The following TENM3 variants were observed in gnomAD, a reference collection of about 807,000 sequenced individuals.
TENM3 encodes teneurin-3.
A neutral mutation model predicts 255.1 loss-of-function variants in TENM3; 63 were observed. That is an observed-to-expected ratio of 0.25 (90% confidence interval 0.20 to 0.30). The LOEUF (loss-of-function observed/expected upper bound fraction) is 0.30, where lower values mean the gene tolerates loss of function less well. TENM3 is among the 10% of genes least tolerant of loss of function. TENM3 has a pLI of 1.00. For missense variants in TENM3, 2,929 were observed against 3,461.1 expected (o/e 0.85, Z 3.86); for synonymous variants, 1,306 against 1,322.3 (o/e 0.99, Z 0.27).
chr4:182,594,897 C>T (rs1022134915), intron 3 of TENM3, among the ~76,000 whole-genome samples: 6 of 151,678 alleles, frequency 4.0e-5, no homozygotes, highest in African/African-American at 1.2e-4. Context: ...TTTTTGTATT[C>T]AGTAGAGGTG....
At chr4:182,331,901 G>T (rs1258770670) in intron 2 of TENM3, among the ~76,000 whole-genome samples, 1 of 152,180 alleles carries the variant, frequency 6.6e-6, no homozygotes, top group Non-Finnish European at 1.5e-5. Context: ...AAACACGTTA[G>T]TAGTGAGATA....
the TENM3 span, among the ~76,000 whole-genome samples, chr4:181,498,418 A>T: frequency 6.6e-6 from 1 of 152,102 alleles, no homozygotes; most frequent in South Asian, 2.1e-4. Context: ...TCAGTTCTAA[A>T]CATCCTGTCT....
the TENM3 span, among the ~76,000 whole-genome samples, chr4:181,983,546 A>C: frequency 0.74 from 112,768 of 151,964 alleles, 42,043 homozygotes; most frequent in Non-Finnish European, 0.76. Context: ...TGCTTAGAAA[A>C]CCTAGGCTTG....
chr4:182,517,379 C>CTTTTT (rs780908155), intron 3 of TENM3, among the ~76,000 whole-genome samples: 12 of 89,408 alleles, frequency 1.3e-4, no homozygotes, highest in African/African-American at 4.4e-4. Flanking sequence ...AAAGTTCATT[C>CTTTTT]TTTTTTTTTT....
chr4:182,066,780 A>G, the TENM3 span, among the ~76,000 whole-genome samples: 7,912 of 151,812 alleles, frequency 0.052, 336 homozygotes, highest in African/African-American at 0.12. Flanking sequence ...GCGTGGTGGC[A>G]GGCGCCTGTA....
the TENM3 span, among the ~76,000 whole-genome samples, chr4:181,885,195 A>T: frequency 6.6e-6 from 1 of 152,142 alleles, no homozygotes; most frequent in African/African-American, 2.4e-5. Flanking sequence ...AATCATTGAA[A>T]TTTTCTCGCT....
chr4:182,640,024 A>G (rs1180565298), intron 5 of TENM3, among the ~76,000 whole-genome samples: 1 of 152,206 alleles, frequency 6.6e-6, no homozygotes, highest in Non-Finnish European at 1.5e-5. Context: ...CAGGAGGCGG[A>G]GGTTGCGGTG....
chr4:182,113,212 C>G, the TENM3 span, among the ~76,000 whole-genome samples: 1 of 152,208 alleles, frequency 6.6e-6, no homozygotes, highest in Admixed American at 6.5e-5. Flanking sequence ...CTGGAAAAAT[C>G]ATTTCCGTTT....
chr4:181,548,821 T>G, the TENM3 span, among the ~76,000 whole-genome samples: 1 of 152,216 alleles, frequency 6.6e-6, no homozygotes, highest in Non-Finnish European at 1.5e-5. Flanking sequence ...TGACAAGCTC[T>G]TGCTCCAGGG....
At chr4:182,439,672 C>T (rs1312322748) in intron 3 of TENM3, among the ~76,000 whole-genome samples, 1 of 152,198 alleles carries the variant, frequency 6.6e-6, no homozygotes, top group African/African-American at 2.4e-5. Flanking sequence ...ATACCCATTA[C>T]CTCTGACATT....
chr4:182,043,671 T>C, the TENM3 span, among the ~76,000 whole-genome samples: 1 of 152,160 alleles, frequency 6.6e-6, no homozygotes, highest in Non-Finnish European at 1.5e-5. Flanking sequence ...TCCGGGGAAT[T>C]GGGTGCACAG....
intron 6 of TENM3, among the ~76,000 whole-genome samples, chr4:182,654,180 G>A (rs1156764585): frequency 6.6e-6 from 1 of 152,092 alleles, no homozygotes; most frequent in Non-Finnish European, 1.5e-5. Flanking sequence ...TCTGCAAATA[G>A]ATTATAATTC....
the TENM3 span, among the ~76,000 whole-genome samples, chr4:181,813,457 G>A: frequency 2.6e-5 from 4 of 152,294 alleles, no homozygotes; most frequent in Non-Finnish European, 2.9e-5. Flanking sequence ...ATCTCCAATA[G>A]GTTGTTTGAG....
At chr4:182,478,916 A>G (rs1250420651) in intron 3 of TENM3, among the ~76,000 whole-genome samples, 2 of 152,004 alleles carry the variant, frequency 1.3e-5, no homozygotes, top group Non-Finnish European at 2.9e-5. Context: ...TTATTTTAGG[A>G]ATGGAAGACT....
the TENM3 span, among the ~76,000 whole-genome samples, chr4:181,958,056 A>G: frequency 1.3e-5 from 2 of 152,234 alleles, no homozygotes; most frequent in East Asian, 1.9e-4. Flanking sequence ...AAAACTCACA[A>G]GTAAGCTTCT....
At chr4:182,434,657 A>C (rs550921755) in intron 3 of TENM3, among the ~76,000 whole-genome samples, 64 of 150,932 alleles carry the variant, frequency 4.2e-4, no homozygotes, top group Non-Finnish European at 6.8e-4. Flanking sequence ...AAAAAAAAAA[A>C]CCGTATATTG....
intron 1 of TENM3, among the ~76,000 whole-genome samples, chr4:182,236,455 T>TA (rs1756906288): frequency 6.6e-6 from 1 of 152,230 alleles, no homozygotes; most frequent in Admixed American, 6.5e-5. Flanking sequence ...TATAAACAGT[T>TA]ACTTCAGCTG....
intron 1 of TENM3, among the ~76,000 whole-genome samples, chr4:182,264,257 G>T (rs1759081047): frequency 6.6e-6 from 1 of 152,242 alleles, no homozygotes; most frequent in South Asian, 2.1e-4. Flanking sequence ...ACGTGGGCTT[G>T]GAACACCTGC....
the TENM3 span, among the ~76,000 whole-genome samples, chr4:181,747,278 T>C: frequency 6.6e-6 from 1 of 152,140 alleles, no homozygotes; most frequent in Non-Finnish European, 1.5e-5. Flanking sequence ...TTTTCATCTG[T>C]TTATTGGGCA....
Sources: allele counts gnomAD v4.1 joint callset (sites outside exome capture counted in the v4.1 genomes callset), GRCh38; gene constraint gnomAD v4.1.1; transcripts MANE v1.5; gene names NCBI Gene and HGNC (gene_info 2026-07-23, HGNC 2026-07-21).